Variants in APOLD1 observed in about 807,000 individuals in gnomAD.
The protein encoded by APOLD1 is apolipoprotein L domain containing 1.
A neutral mutation model predicts 15.3 loss-of-function variants in APOLD1; 22 were observed. That is an observed-to-expected ratio of 1.44 (90% CI 1.03 to 2.05). APOLD1 has a LOEUF of 2.05. APOLD1 is among the 30% of genes most tolerant of loss of function. APOLD1 has a pLI of 0.00. For missense variants in APOLD1, 394 were observed against 353.5 expected, an observed-to-expected ratio of 1.11 and a Z score of -0.92; for synonymous variants, 190 against 167.4, an observed-to-expected ratio of 1.13 and a Z score of -1.04.
intron 1 of APOLD1, among the ~76,000 whole-genome samples, chr12:12,754,696 G>A (rs899385727): frequency 6.6e-6 from 1 of 152,026 alleles, no homozygotes; most frequent in Admixed American, 6.5e-5. Flanking sequence ...ACCCCAAAGT[G>A]CTGGGATTAC....
At chr12:12,758,220 A>G (rs550586722) in intron 1 of APOLD1, among the ~76,000 whole-genome samples, 88 of 150,792 alleles carry the variant, frequency 5.8e-4, no homozygotes, top group Middle Eastern at 6.9e-3. Flanking sequence ...ACAGGTGTGA[A>G]CCACCACGCC....
intron 1 of APOLD1, among the ~76,000 whole-genome samples, chr12:12,754,559 C>T (rs1478474026): frequency 1.3e-5 from 2 of 152,052 alleles, no homozygotes; most frequent in African/African-American, 4.8e-5. Flanking sequence ...AAGCGATTCT[C>T]CTGCCACAGC....
upstream of APOLD1, among the ~76,000 whole-genome samples, chr12:12,783,439 T>A (rs139387785): frequency 0.017 from 2,617 of 151,806 alleles, 79 homozygotes; most frequent in African/African-American, 0.059. Context: ...GTCTCCTGAG[T>A]AGCTGGGACT....
At position 12,751,592 on chromosome 12, in the gene APOLD1, C is replaced by T. The variant is rs144188939; in HGVS notation, c.96+25496C>T. On this transcript the variant is annotated intron_variant, in intron 1 of 1. Coordinates refer to the APOLD1 transcript ENST00000326765. ...TCTGAAACTCCTGGCCTCGAATGAT[C>T]CACCCACCTTGGCCTACCAAAGTGC... is the stretch of plus-strand genomic sequence containing the variant. Among the ~76,000 whole-genome samples, 1,066 of 150,710 alleles carry T rather than the reference C, an allele frequency of 7.1e-3. 22 individuals are homozygous for T. Among genetic ancestry groups the T allele is most frequent in the African/African-American group, 0.024 (1,008 of 41,460 alleles).
Position 12,786,859 on chromosome 12 carries a change from G to T in APOLD1, c.4-50G>T, listed in dbSNP as rs1049949681. On this transcript the variant is annotated intron_variant, in intron 1 of 1. Transcript: ENST00000356591. Reference sequence around the variant, plus strand: ...GGCGTCCGGGCAGCAGGGCGGGAGCGGCGGCTGGCACGGAGACTCCAGGCT... The same window carrying T: ...GGCGTCCGGGCAGCAGGGCGGGAGCTGCGGCTGGCACGGAGACTCCAGGCT... 1.3e-5 allele frequency: 18 copies of T among 1,359,410 alleles called. No homozygotes were observed. In the Admixed American group the frequency reaches 4.4e-4, roughly 33 times the overall value. 84.2% of individuals were successfully genotyped at this position (1,359,410 alleles called of 1,614,324 possible).
In APOLD1 at chr12:12,786,992, C is replaced by G. The variant is rs1238366916; in HGVS notation, c.87C>G (p.Gly29=). 7.0e-7 allele frequency: 1 copy of G among 1,421,258 alleles called. No homozygotes were observed. The highest frequency in any genetic ancestry group is 9.1e-7 in the Non-Finnish European group (1 of 1,098,894). The allele number at this position is 1,421,258 out of a possible 1,614,324, so 88.0% of individuals were successfully genotyped here. A position where few individuals can be genotyped will look rare whatever the true frequency, so the allele number is the denominator to read the frequency against. Residue 29 remains glycine (G), a synonymous_variant, in exon 2 of 2, where the codon GGC becomes GGG. Transcript: ENST00000356591. ...RFQGLLLDRR[G]RLHGQVLRLR... Reference sequence around the variant, plus strand: ...AGGGACTGCTGCTGGACCGCCGAGGCCGGCTGCACGGCCAGGTGCTGCGCC... The same window carrying G: ...AGGGACTGCTGCTGGACCGCCGAGGGCGGCTGCACGGCCAGGTGCTGCGCC...
chr12:12,726,094 A>T lies in APOLD1; in HGVS notation c.94A>T (p.Lys32Ter). ...AGGATGCACCTTCCCCTGCCTTGGAAAGGTAGAACTGGGGAGTGCGGGAGG... is the reference window on the plus strand; with the variant it reads ...AGGATGCACCTTCCCCTGCCTTGGATAGGTAGAACTGGGGAGTGCGGGAGG... The change falls in exon 1 of 2, where the codon AAG (lysine) becomes TAG (stop). Residue 32 changes from lysine (K) to a stop codon, truncating the protein, a stop_gained and splice_region_variant. Transcript: ENST00000326765. LOFTEE classifies it high-confidence loss of function. The T allele has an allele frequency of 6.7e-7, 1 of 1,499,708 alleles. No homozygotes were observed. The allele number at this position is 1,499,708 out of a possible 1,614,324, so 92.9% of individuals were successfully genotyped here. A position where few individuals can be genotyped will look rare whatever the true frequency, so the allele number is the denominator to read the frequency against.
intron 1 of APOLD1, among the ~76,000 whole-genome samples, chr12:12,740,432 C>T (rs1946722377): frequency 1.3e-5 from 2 of 152,136 alleles, no homozygotes. Flanking sequence ...ATCTTATTTT[C>T]TATGGACACC....
In APOLD1 at chr12:12,790,207, G is replaced by A. The variant is rs1430278326; in HGVS notation, c.*2555G>A. 3 of 152,148 alleles carry A rather than the reference G, an allele frequency of 2.0e-5. No individual in the cohort carries two copies. The highest frequency in any genetic ancestry group is 7.2e-5 in the African/African-American group (3 of 41,424). The allele number at this position is 152,148 out of a possible 1,614,324, so 9.4% of individuals were successfully genotyped here. ...TTTAGTAGAGACAGGGTTTCGCCAT[G>A]TTGGCCAGGCTGGTCTTGAACTCCT... On this transcript the variant is annotated 3_prime_UTR_variant, in exon 2 of 2. Coordinates refer to ENST00000356591, the MANE Select transcript of APOLD1 (RefSeq NM_030817.3).
At chr12:12,759,123 A>G (rs1029826522) in intron 1 of APOLD1, among the ~76,000 whole-genome samples, 20 of 152,194 alleles carry the variant, frequency 1.3e-4, no homozygotes, top group African/African-American at 4.8e-4. Context: ...CGCTACTCAA[A>G]TGGCATGCAA....
chr12:12,752,692 G>A (rs1361440713), intron 1 of APOLD1, among the ~76,000 whole-genome samples: 1 of 152,090 alleles, frequency 6.6e-6, no homozygotes, highest in Non-Finnish European at 1.5e-5. Context: ...AATGACATAG[G>A]ATCAGGTGAA....
intron 1 of APOLD1, among the ~76,000 whole-genome samples, chr12:12,730,028 GT>G (rs1946624451): frequency 1.2e-4 from 3 of 25,098 alleles, no homozygotes; most frequent in Non-Finnish European, 1.6e-4. Context: ...AGCTAACTTT[GT>G]GTGTGTGTGT....
At chr12:12,755,124 A>G (rs2136382442) in intron 1 of APOLD1, among the ~76,000 whole-genome samples, 1 of 152,288 alleles carries the variant, frequency 6.6e-6, no homozygotes, top group South Asian at 2.1e-4. Context: ...CATTTGGAAC[A>G]GAATAGGGAG....
intron 1 of APOLD1, among the ~76,000 whole-genome samples, chr12:12,736,712 T>G (rs1946689593): frequency 6.6e-6 from 1 of 152,204 alleles, no homozygotes; most frequent in African/African-American, 2.4e-5. Flanking sequence ...CTGCTTAACA[T>G]AAACAATCGA....
At chr12:12,756,388 A>G (rs1402543120) in intron 1 of APOLD1, among the ~76,000 whole-genome samples, 6 of 152,220 alleles carry the variant, frequency 3.9e-5, no homozygotes, top group Non-Finnish European at 5.9e-5. Context: ...CCTTTTAAGG[A>G]TAATTCTAGG....
chr12:12,752,613 T>A (rs56260539), intron 1 of APOLD1, among the ~76,000 whole-genome samples: 1,846 of 149,974 alleles, frequency 0.012, 21 homozygotes, highest in East Asian at 0.03. Context: ...GGAGAAAATT[T>A]AAAAAAAAAA....
At chr12:12,767,723 G>A (rs1946952536) in intron 1 of APOLD1, among the ~76,000 whole-genome samples, 1 of 151,706 alleles carries the variant, frequency 6.6e-6, no homozygotes, top group African/African-American at 2.4e-5. Context: ...ATTGTATTAG[G>A]TATTATATGT....
rs375361983 is a variant in APOLD1, at chr12:12,787,682, C to G, written c.*30C>G. 2 of 1,548,048 alleles carry G rather than the reference C, an allele frequency of 1.3e-6. No homozygotes were observed. Among genetic ancestry groups the G allele is most frequent in the Non-Finnish European group, 1.7e-6 (2 of 1,152,328 alleles). ...ATCCTTTCCCCCTAATGACCGAGGC[C>G]AGCAAATCATCCTCATGGGATGCTC... On this transcript the variant is annotated 3_prime_UTR_variant, in exon 2 of 2. Transcript: ENST00000356591. This position sits in a 1 kb window ranked among gnomAD's most constrained non-coding sequence, Gnocchi z 4.9.
At chr12:12,765,796 G>A (rs1946939390) in intron 1 of APOLD1, among the ~76,000 whole-genome samples, 2 of 152,218 alleles carry the variant, frequency 1.3e-5, no homozygotes, top group South Asian at 2.1e-4. Context: ...CTTGAGCCTG[G>A]TAGGTTGAGG....
Sources: gnomAD v4.1 joint callset for allele counts (sites outside exome capture counted in the v4.1 genomes callset) on GRCh38, gnomAD v4.1.1 for gene constraint, Gnocchi (gnomAD v3.1) non-coding constraint, MANE v1.5 for transcripts, NCBI Gene and HGNC (gene_info 2026-07-23, HGNC 2026-07-21) for gene names.